Variants in CCZ1 observed in about 807,000 individuals in gnomAD.
CCZ1 encodes CCZ1 vacuolar protein trafficking and biogenesis associated, also known as vacuolar fusion protein CCZ1 homolog.
In CCZ1, 19 loss-of-function variants were observed where a neutral mutation model predicts 57.8. The ratio of observed to expected loss-of-function variants is 0.33; its 90% CI spans 0.23 to 0.48. The LOEUF (loss-of-function observed/expected upper bound fraction) is 0.48. Among genes scored for constraint, CCZ1 ranks in the 20% least tolerant of loss-of-function variants. CCZ1 has a pLI of 0.99. For synonymous variants in CCZ1, 81 were observed against 167.0 expected (o/e 0.49, Z 3.97); for missense variants, 200 against 492.0 (o/e 0.41, Z 5.61).
chr7:5,911,103 T>C (rs1275733649), intron 8 of CCZ1, among the ~76,000 whole-genome samples: 1 of 148,920 alleles, frequency 6.7e-6, no homozygotes, highest in Non-Finnish European at 1.5e-5. Flanking sequence ...AACAATCGAC[T>C]TGTGTAGTCT....
At chr7:5,909,989 G>C in intron 7 of CCZ1, 46 bp from the exon 8 acceptor site, 1 of 1,561,212 alleles carries the variant, frequency 6.4e-7, no homozygotes, top group Non-Finnish European at 8.8e-7. Context: ...TGGAAAGACA[G>C]AAGACAGTTC....
intron 7 of CCZ1, among the ~76,000 whole-genome samples, chr7:5,905,921 T>TTC (rs1375742084): frequency 7.1e-6 from 1 of 140,004 alleles, no homozygotes; most frequent in Non-Finnish European, 1.5e-5. Flanking sequence ...TTTTTTTCTT[T>TTC]CTTATAGAGA....
intron 1 of CCZ1, among the ~76,000 whole-genome samples, chr7:5,899,334 G>GGGTGTGTGT (rs1781626415): frequency 1.6e-4 from 2 of 12,558 alleles, no homozygotes; most frequent in East Asian, 1.5e-3. Context: ...TCGGGAGGGG[G>GGGTGTGTGT]GTGTGTGTGT....
intron 8 of CCZ1, among the ~76,000 whole-genome samples, chr7:5,911,581 C>T (rs1779034795): frequency 6.7e-6 from 1 of 149,016 alleles, no homozygotes; most frequent in Admixed American, 6.6e-5. Flanking sequence ...AGGCATGAGC[C>T]ACCTCACCTG....
At position 5,914,810 on chromosome 7, in the gene CCZ1, A is replaced by G. The variant is rs1483075774; in HGVS notation, c.954+1856A>G. Among the ~76,000 whole-genome samples the G allele has an allele frequency of 2.1e-4, 30 of 144,350 alleles. 1 individual carries two copies. The highest frequency in any genetic ancestry group is 7.8e-4 in the African/African-American group (30 of 38,450). 94.7% of individuals were successfully genotyped at this position (144,350 alleles called of 152,430 possible). A position where few individuals can be genotyped will look rare whatever the true frequency, so the allele number is the denominator to read the frequency against. ...AGAATCACTTGTACCCGCGAGGCGG[A>G]GGTTGCAGTGAGCTGAGCTTACGCC... On this transcript the variant is annotated intron_variant, in intron 10 of 14. Transcript: ENST00000325974.
At chr7:5,910,204 C>T in intron 8 of CCZ1, 88 bp downstream of exon 8, 1 of 1,058,754 alleles carries the variant, frequency 9.4e-7, no homozygotes, top group Non-Finnish European at 1.4e-6. Context: ...GGGGGCGTTT[C>T]TGATCGTTTC....
At chr7:5,915,036 C>T (rs1383395867) in intron 10 of CCZ1, among the ~76,000 whole-genome samples, 16 of 148,362 alleles carry the variant, frequency 1.1e-4, no homozygotes, top group Non-Finnish European at 1.6e-4. Context: ...ATGTGTGAGA[C>T]GGTACAAGGA....
intron 12 of CCZ1, among the ~76,000 whole-genome samples, chr7:5,920,470 C>CTTTTTTTTTTTTTTTTTTTTTTT (rs200899553): frequency 1.1e-4 from 11 of 95,976 alleles, no homozygotes; most frequent in South Asian, 8.2e-4. Context: ...TTCTCCCTGG[C>CTTTTTTTTTTTTTTTTTTTTTTT]TTTTTTTTTT....
At chr7:5,915,071 A>G (rs1224654467) in intron 10 of CCZ1, among the ~76,000 whole-genome samples, 1 of 147,430 alleles carries the variant, frequency 6.8e-6, no homozygotes, top group Admixed American at 6.7e-5. Context: ...AAGGCTCTTC[A>G]GGTCTGCTGG....
intron 7 of CCZ1, among the ~76,000 whole-genome samples, chr7:5,908,671 C>T (rs1002808246): frequency 6.8e-6 from 1 of 147,066 alleles, no homozygotes; most frequent in East Asian, 2.2e-4. Flanking sequence ...TGAGCTTCCG[C>T]GCCCGACCAC....
intron 1 of CCZ1, among the ~76,000 whole-genome samples, chr7:5,899,341 G>A (rs1477117043): frequency 0.019 from 71 of 3,724 alleles, no homozygotes; most frequent in Middle Eastern, 0.1. Flanking sequence ...GGGGGTGTGT[G>A]TGTGTGTGTG....
chr7:5,920,470 C>CTGTTTTTTTTTTTTT (rs1779217508), intron 12 of CCZ1, among the ~76,000 whole-genome samples: 1 of 95,960 alleles, frequency 1.0e-5, no homozygotes, highest in African/African-American at 4.2e-5. Flanking sequence ...TTCTCCCTGG[C>CTGTTTTTTTTTTTTT]TTTTTTTTTT....
intron 6 of CCZ1, 43 bp downstream of exon 6, chr7:5,902,787 G>C: frequency 6.5e-7 from 1 of 1,528,162 alleles, no homozygotes; most frequent in Non-Finnish European, 8.7e-7. Context: ...TAAGCATTCA[G>C]CAGGTTTTTA....
chr7:5,922,948 T>A (rs1226120285), intron 12 of CCZ1, among the ~76,000 whole-genome samples: 2 of 149,940 alleles, frequency 1.3e-5, no homozygotes, highest in East Asian at 3.9e-4. Context: ...TACTCAACTG[T>A]CATTTTGGTG....
At chr7:5,909,146 G>C (rs1367748427) in intron 7 of CCZ1, among the ~76,000 whole-genome samples, 1 of 147,364 alleles carries the variant, frequency 6.8e-6, no homozygotes. Flanking sequence ...GTAAAATACA[G>C]GACTGTAGGA....
At position 5,910,243 on chromosome 7, in the gene CCZ1, T is replaced by C. The variant is rs1323635367; in HGVS notation, c.780+127T>C. ...TGTATGTTTTGTCTTACTGTGATAT[T>C]TGTGTCACTGTATATCAATTAGCAC... On this transcript the variant is annotated intron_variant, in intron 8 of 14. Transcript: ENST00000325974. 28 of 854,362 alleles carry C rather than the reference T, an allele frequency of 3.3e-5. 1 individual carries two copies. The highest frequency in any genetic ancestry group is 2.2e-4 in the Middle Eastern group (1 of 4,484). 52.9% of individuals were successfully genotyped at this position (854,362 alleles called of 1,614,324 possible).
chr7:5,903,524 A>C (rs1307197826), intron 6 of CCZ1, among the ~76,000 whole-genome samples: 4 of 86,312 alleles, frequency 4.6e-5, no homozygotes, highest in African/African-American at 1.9e-4. Context: ...GCTATTTTTG[A>C]ATTTTTTTGT....
chr7:5,903,629 C>T (rs1404909178), intron 6 of CCZ1, among the ~76,000 whole-genome samples: 1 of 138,204 alleles, frequency 7.2e-6, no homozygotes, highest in East Asian at 2.6e-4. Flanking sequence ...CCTCATTTCT[C>T]TCTTACCCAT....
At chr7:5,900,706 A>G in intron 3 of CCZ1, 140 bp downstream of exon 3, 3 of 1,452,708 alleles carry the variant, frequency 2.1e-6, no homozygotes, top group Non-Finnish European at 2.8e-6. Context: ...TTTAAAATCA[A>G]GTTCTTCCTA....
Sources: gnomAD v4.1 joint callset for allele counts (sites outside exome capture counted in the v4.1 genomes callset) on GRCh38, gnomAD v4.1.1 for gene constraint, MANE v1.5 for transcripts, NCBI Gene and HGNC (gene_info 2026-07-23, HGNC 2026-07-21) for gene names.